Variants in GLRA3 observed in about 807,000 individuals in gnomAD.
The protein encoded by GLRA3 is glycine receptor alpha 3.
A neutral mutation model predicts 60.4 loss-of-function variants in GLRA3; 44 were observed. That is an observed-to-expected ratio of 0.73 (90% confidence interval 0.57 to 0.94). The LOEUF (loss-of-function observed/expected upper bound fraction) is 0.94, where lower values mean the gene tolerates loss of function less well. Among genes scored for constraint, GLRA3 ranks in the 40% least tolerant of loss-of-function variants. The pLI is 0.00. For missense variants in GLRA3, 508 were observed against 564.6 expected, an observed-to-expected ratio of 0.90 and a Z score of 1.02; for synonymous variants, 223 against 192.9, an observed-to-expected ratio of 1.16 and a Z score of -1.29.
Position 174,729,874 on chromosome 4 carries a change from T to C in GLRA3, c.268-1176A>G, listed in dbSNP as rs540129701. Among the ~76,000 whole-genome samples the C allele has an allele frequency of 6.1e-4, 93 of 152,312 alleles. 1 individual carries two copies. Among genetic ancestry groups the C allele is most frequent in the Middle Eastern group, 6.8e-3 (2 of 294 alleles). On this transcript the variant is annotated intron_variant, in intron 3 of 9. Coordinates refer to ENST00000274093, the MANE Select transcript of GLRA3 (RefSeq NM_006529.4). ...TACCAAATTATGAGACATCAGAATATAGTAACCAACCAATCACAACGGATG... is the reference window on the plus strand; with the variant it reads ...TACCAAATTATGAGACATCAGAATACAGTAACCAACCAATCACAACGGATG...
chr4:174,705,304 C>T (rs1366028808), intron 5 of GLRA3, among the ~76,000 whole-genome samples: 3 of 143,406 alleles, frequency 2.1e-5, no homozygotes, highest in South Asian at 2.2e-4. Context: ...AACGCCCTAG[C>T]AGATGCTGGC....
intron 5 of GLRA3, among the ~76,000 whole-genome samples, chr4:174,703,410 A>G (rs1304023988): frequency 6.6e-6 from 1 of 152,212 alleles, no homozygotes; most frequent in Non-Finnish European, 1.5e-5. Context: ...TGCTTGAATC[A>G]CACTCTGTGT....
intron 2 of GLRA3, among the ~76,000 whole-genome samples, chr4:174,770,913 A>G (rs1442256147): frequency 6.6e-6 from 1 of 151,886 alleles, no homozygotes; most frequent in Admixed American, 6.6e-5. Context: ...AAAAAATGAA[A>G]GAGTTCATGT....
chr4:174,716,535 C>T (rs533371534), intron 4 of GLRA3, among the ~76,000 whole-genome samples: 1 of 152,260 alleles, frequency 6.6e-6, no homozygotes, highest in East Asian at 1.9e-4. Flanking sequence ...AAGTTCTTTT[C>T]TGAGAACTCT....
At chr4:174,672,956 T>C (rs913341078) in intron 7 of GLRA3, among the ~76,000 whole-genome samples, 2 of 152,032 alleles carry the variant, frequency 1.3e-5, no homozygotes, top group African/African-American at 4.8e-5. Context: ...ATCTGTTTGA[T>C]ATGCTATGTT....
intron 7 of GLRA3, among the ~76,000 whole-genome samples, chr4:174,663,228 A>T (rs1733522528): frequency 6.6e-6 from 1 of 152,148 alleles, no homozygotes; most frequent in Non-Finnish European, 1.5e-5. Flanking sequence ...AGTGCATCTC[A>T]CTTTATTCCA....
chr4:174,777,893 A>G (rs1185878086), intron 2 of GLRA3, among the ~76,000 whole-genome samples: 2 of 152,156 alleles, frequency 1.3e-5, no homozygotes, highest in African/African-American at 4.8e-5. Context: ...AGTCAGAAAA[A>G]CCAGAACTCA....
chr4:174,798,726 C>A (rs1417765539), intron 1 of GLRA3, among the ~76,000 whole-genome samples: 25 of 152,148 alleles, frequency 1.6e-4, no homozygotes, highest in Admixed American at 1.5e-3. Context: ...AGACGGAGAC[C>A]ATCCTGGCTA....
intron 3 of GLRA3, among the ~76,000 whole-genome samples, chr4:174,744,871 T>C (rs1737176083): frequency 6.6e-6 from 1 of 152,026 alleles, no homozygotes; most frequent in Non-Finnish European, 1.5e-5. Context: ...CTTAGTGAGA[T>C]AAAGAGACTT....
chr4:174,778,815 G>A (rs1291108849), intron 2 of GLRA3, among the ~76,000 whole-genome samples: 1 of 152,134 alleles, frequency 6.6e-6, no homozygotes, highest in African/African-American at 2.4e-5. Flanking sequence ...TGGCTTGGAG[G>A]GTCCTACCCC....
chr4:174,799,945 T>C (rs548104117), intron 1 of GLRA3, among the ~76,000 whole-genome samples: 2 of 152,224 alleles, frequency 1.3e-5, no homozygotes, highest in South Asian at 4.1e-4. Context: ...GATGATGAAT[T>C]TGTTACAGTG....
chr4:174,752,892 A>G (rs1219737061), intron 3 of GLRA3, among the ~76,000 whole-genome samples: 1 of 152,104 alleles, frequency 6.6e-6, no homozygotes, highest in Non-Finnish European at 1.5e-5. Flanking sequence ...ATTCCAAGAA[A>G]CTACTAAAAT....
chr4:174,701,944 A>C (rs1174450224), intron 5 of GLRA3, among the ~76,000 whole-genome samples: 1 of 152,240 alleles, frequency 6.6e-6, no homozygotes, highest in African/African-American at 2.4e-5. Context: ...CTACTGGTGA[A>C]GACACCGTGA....
intron 4 of GLRA3, 29 bp downstream of exon 4, chr4:174,728,446 G>A (rs1305174311): frequency 1.6e-6 from 2 of 1,218,042 alleles, no homozygotes; most frequent in Admixed American, 1.8e-5. Context: ...CTATTTCACT[G>A]AAATCGGCAA....
rs70947457 is a variant in GLRA3 at position 174,711,446 on chromosome 4, T to TATATA, written c.574+4041_574+4042insTATAT. 3.1e-4 allele frequency among the ~76,000 whole-genome samples: 43 copies of TATATA among 137,434 alleles called. 1 individual carries two copies. The South Asian group carries it at 5.1e-3, about 16-fold the overall frequency. 90.2% of individuals were successfully genotyped at this position (137,434 alleles called of 152,430 possible). A position where few individuals can be genotyped will look rare whatever the true frequency, so the allele number is the denominator to read the frequency against. On this transcript the variant is annotated intron_variant, in intron 5 of 9. Transcript: ENST00000274093. ...TTTCCTAATTATATATATATATATA[T>TATATA]TTTTTTTTTTTTTAGAGAGAGTCTC... is the stretch of plus-strand genomic sequence containing the variant.
At chr4:174,767,775 C>T (rs974943937) in intron 2 of GLRA3, among the ~76,000 whole-genome samples, 4 of 152,080 alleles carry the variant, frequency 2.6e-5, no homozygotes, top group Admixed American at 1.3e-4. Context: ...GCCTGATGTC[C>T]ACCAGAAGTG....
intron 2 of GLRA3, among the ~76,000 whole-genome samples, chr4:174,788,554 T>A (rs985678497): frequency 5.4e-4 from 58 of 107,934 alleles, no homozygotes; most frequent in Non-Finnish European, 9.4e-4. Context: ...CTAAAATCAA[T>A]GGTCAAGACA....
At chr4:174,721,963 G>T (rs572632198) in intron 4 of GLRA3, among the ~76,000 whole-genome samples, 1 of 151,928 alleles carries the variant, frequency 6.6e-6, no homozygotes, top group East Asian at 1.9e-4. Flanking sequence ...TAAGAGAAAA[G>T]ATCTACAGAT....
At chr4:174,692,951 A>T (rs1360191518) in intron 5 of GLRA3, among the ~76,000 whole-genome samples, 3 of 151,964 alleles carry the variant, frequency 2.0e-5, no homozygotes, top group Admixed American at 1.3e-4. Flanking sequence ...AAAAAATAAA[A>T]AAAAAAAAAG....
Sources: allele counts gnomAD v4.1 joint callset (sites outside exome capture counted in the v4.1 genomes callset), GRCh38; gene constraint gnomAD v4.1.1; transcripts MANE v1.5; gene names NCBI Gene and HGNC (gene_info 2026-07-23, HGNC 2026-07-21).